The following WWOX variants were observed in gnomAD, a reference collection of about 807,000 sequenced individuals.
WWOX encodes the protein WW domain containing oxidoreductase, also known as WW domain-containing oxidoreductase.
A neutral mutation model predicts 46.2 loss-of-function variants in WWOX; 69 were observed. The ratio of observed to expected loss-of-function variants is 1.49; its 90% confidence interval spans 1.23 to 1.82. WWOX has a LOEUF of 1.82. Among genes scored for constraint, WWOX ranks in the 40% most tolerant of loss-of-function variants. The pLI is 0.00. For synonymous variants in WWOX, 359 were observed against 202.6 expected, an observed-to-expected ratio of 1.77 and a Z score of -6.56; for missense variants, 919 against 542.6, an observed-to-expected ratio of 1.69 and a Z score of -6.89.
Position 78,408,944 on chromosome 16 carries a change from A to T in WWOX, c.606-15926A>T, listed in dbSNP as rs535514805. On this transcript the variant is annotated intron_variant, in intron 6 of 8. Coordinates refer to ENST00000566780, the MANE Select transcript of WWOX (RefSeq NM_016373.4). ...AAGTACTGTGATTTAAAATATGTTA[A>T]TTTTTCTACTGTACAGATGAGAGCC... Among the ~76,000 whole-genome samples, 261 of 152,078 alleles carry T rather than the reference A, an allele frequency of 1.7e-3. 1 individual carries two copies. The highest frequency in any genetic ancestry group is 6.2e-3 in the African/African-American group (256 of 41,464).
At chr16:78,768,870 C>G (rs2049991772) in intron 8 of WWOX, among the ~76,000 whole-genome samples, 1 of 152,084 alleles carries the variant, frequency 6.6e-6, no homozygotes, top group African/African-American at 2.4e-5. Context: ...GAGAGCATGA[C>G]CCGCCAATGC....
chr16:78,794,669 G>T (rs1381951558), intron 8 of WWOX, among the ~76,000 whole-genome samples: 1 of 152,216 alleles, frequency 6.6e-6, no homozygotes, highest in African/African-American at 2.4e-5. Context: ...TATAGCTGTT[G>T]CTGTCATTCC....
In WWOX at chr16:78,977,536, C is replaced by G. The variant is rs1278456830; in HGVS notation, c.1057-234072C>G. Among the ~76,000 whole-genome samples the G allele has an allele frequency of 1.3e-4, 20 of 152,244 alleles. No individual in the cohort carries two copies. The East Asian group carries it at 3.1e-3, about 24-fold the overall frequency. Reference sequence around the variant, plus strand: ...CATAGACGCCCTCTCTGCATGTGTCCTTGTCTGGGGGAGTCGCTTAATTTC... The same window carrying G: ...CATAGACGCCCTCTCTGCATGTGTCGTTGTCTGGGGGAGTCGCTTAATTTC... On this transcript the variant is annotated intron_variant, in intron 8 of 8. Coordinates refer to ENST00000566780, the MANE Select transcript of WWOX (RefSeq NM_016373.4).
At chr16:79,053,360 C>T (rs1179052879) in intron 8 of WWOX, among the ~76,000 whole-genome samples, 6 of 152,170 alleles carry the variant, frequency 3.9e-5, no homozygotes, top group Non-Finnish European at 8.8e-5. Flanking sequence ...CGTGGCCCTG[C>T]TTCTTAGTGC....
intron 8 of WWOX, chr16:78,551,402 C>G (rs1205438939): frequency 6.6e-6 from 1 of 152,072 alleles, no homozygotes; most frequent in Non-Finnish European, 1.5e-5. Flanking sequence ...TTTACATTGA[C>G]CCAGTGTTGT....
intron 8 of WWOX, among the ~76,000 whole-genome samples, chr16:78,481,087 A>C (rs1179916363): frequency 2.6e-5 from 4 of 152,218 alleles, no homozygotes; most frequent in Admixed American, 1.3e-4. Flanking sequence ...AGCAAAGAGA[A>C]ATTTGAAATT....
chr16:78,716,250 G>A (rs146418306), intron 8 of WWOX, among the ~76,000 whole-genome samples: 1 of 152,050 alleles, frequency 6.6e-6, no homozygotes, highest in Non-Finnish European at 1.5e-5. Flanking sequence ...TATCATGAAC[G>A]GGGGAATGTC....
At chr16:78,462,731 T>C (rs2083980854) in intron 8 of WWOX, among the ~76,000 whole-genome samples, 1 of 152,212 alleles carries the variant, frequency 6.6e-6, no homozygotes, top group South Asian at 2.1e-4. Context: ...AACTGGCGTA[T>C]GTTATAGTTA....
intron 5 of WWOX, among the ~76,000 whole-genome samples, chr16:78,186,818 A>T (rs748791218): frequency 6.6e-6 from 1 of 152,200 alleles, no homozygotes; most frequent in Non-Finnish European, 1.5e-5. Context: ...ATTCTCATAG[A>T]AGTTGCGAAG....
At chr16:78,449,191 C>A (rs982678944) in intron 8 of WWOX, among the ~76,000 whole-genome samples, 1 of 152,148 alleles carries the variant, frequency 6.6e-6, no homozygotes, top group Non-Finnish European at 1.5e-5. Flanking sequence ...TGGTTCCTTG[C>A]CACGTAGGGA....
intron 6 of WWOX, among the ~76,000 whole-genome samples, chr16:78,390,069 A>G (rs12598198): frequency 0.011 from 1,666 of 152,286 alleles, 23 homozygotes; most frequent in East Asian, 0.035. Flanking sequence ...ATGTGATAGA[A>G]ACAGACTCAG....
intron 8 of WWOX, among the ~76,000 whole-genome samples, chr16:79,056,109 C>T (rs965002003): frequency 3.9e-5 from 6 of 152,038 alleles, no homozygotes; most frequent in Admixed American, 6.5e-5. Flanking sequence ...ACCACTATCC[C>T]CATTAAATTC....
At chr16:78,215,444 A>G (rs1307237127) in intron 5 of WWOX, among the ~76,000 whole-genome samples, 1 of 152,274 alleles carries the variant, frequency 6.6e-6, no homozygotes, top group East Asian at 1.9e-4. Flanking sequence ...AGTTTTATAA[A>G]TGGAAGTTTC....
intron 8 of WWOX, among the ~76,000 whole-genome samples, chr16:78,504,185 A>G (rs1001797015): frequency 2.0e-5 from 3 of 152,242 alleles, no homozygotes; most frequent in Non-Finnish European, 4.4e-5. Context: ...TACCAGGTGT[A>G]TAGAAATGCA....
At chr16:79,063,916 C>T (rs2048397831) in intron 8 of WWOX, among the ~76,000 whole-genome samples, 1 of 152,250 alleles carries the variant, frequency 6.6e-6, no homozygotes, top group South Asian at 2.1e-4. Context: ...TAGTATGGAG[C>T]AAAAACTGGC....
intron 8 of WWOX, among the ~76,000 whole-genome samples, chr16:78,930,033 C>T (rs567290634): frequency 6.6e-6 from 1 of 152,120 alleles, no homozygotes; most frequent in Admixed American, 6.5e-5. Context: ...GGAAGTCCCA[C>T]ATGGACTTCT....
chr16:78,914,953 G>A (rs919995385), intron 8 of WWOX, among the ~76,000 whole-genome samples: 1 of 151,028 alleles, frequency 6.6e-6, no homozygotes, highest in East Asian at 1.9e-4. Flanking sequence ...GCCTGGTGGA[G>A]AGACAGAGAA....
chr16:78,889,684 C>G (rs146098796), intron 8 of WWOX, among the ~76,000 whole-genome samples: 1 of 152,104 alleles, frequency 6.6e-6, no homozygotes, highest in Non-Finnish European at 1.5e-5. Context: ...TGTGAGCAAA[C>G]TCTCAGTGTG....
At chr16:78,779,502 A>G (rs1234118045) in intron 8 of WWOX, among the ~76,000 whole-genome samples, 3 of 152,094 alleles carry the variant, frequency 2.0e-5, no homozygotes, top group Non-Finnish European at 4.4e-5. Context: ...ACTGCAGAGG[A>G]TTGCTGACAT....
Sources: allele counts gnomAD v4.1 joint callset (sites outside exome capture counted in the v4.1 genomes callset), GRCh38; gene constraint gnomAD v4.1.1; transcripts MANE v1.5; gene names NCBI Gene and HGNC (gene_info 2026-07-23, HGNC 2026-07-21).